Variants in FGGY observed in about 807,000 individuals in gnomAD.
FGGY encodes FGGY carbohydrate kinase domain-containing protein.
A neutral mutation model predicts 71.3 loss-of-function variants in FGGY; 72 were observed. The ratio of observed to expected loss-of-function variants is 1.01; its 90% confidence interval spans 0.84 to 1.23. FGGY has a LOEUF of 1.23. Ranked by LOEUF, FGGY falls within the 50% of genes most tolerant of loss-of-function variation. The pLI is 0.00. For synonymous variants in FGGY, 251 were observed against 250.3 expected (o/e 1.00, Z -0.02); for missense variants, 668 against 682.3 (o/e 0.98, Z 0.23).
At chr1:59,427,207 C>T (rs759938806) in intron 5 of FGGY, among the ~76,000 whole-genome samples, 7 of 152,280 alleles carry the variant, frequency 4.6e-5, no homozygotes, top group African/African-American at 7.2e-5. Context: ...AGGTCCATAG[C>T]AGGCACCCAG....
At chr1:59,340,466 A>C (rs1465804167) in intron 3 of FGGY, among the ~76,000 whole-genome samples, 1 of 152,224 alleles carries the variant, frequency 6.6e-6, no homozygotes, top group Non-Finnish European at 1.5e-5. Flanking sequence ...GGATGAGCCA[A>C]GTCCTTTGAA....
rs544674852 is a variant in FGGY at position 59,422,512 on chromosome 1, T to A, written c.555-34449T>A. On this transcript the variant is annotated intron_variant, in intron 5 of 15. Transcript: ENST00000303721. ...GAGTTTGAGACCAGCCTGGGCAACA[T>A]GGAAAAACCGATCTGTACTAAAAAA... Among the ~76,000 whole-genome samples, 4 of 151,836 alleles carry A rather than the reference T, an allele frequency of 2.6e-5. No homozygotes were observed. The South Asian group carries it at 8.3e-4, about 32-fold the overall frequency.
intron 14 of FGGY, among the ~76,000 whole-genome samples, chr1:59,730,255 A>T (rs573861348): frequency 6.6e-6 from 1 of 150,412 alleles, no homozygotes; most frequent in South Asian, 2.1e-4. Context: ...TTGTCCTGTA[A>T]CCTCAGTTCT....
intron 8 of FGGY, among the ~76,000 whole-genome samples, chr1:59,584,126 C>T (rs2096243357): frequency 6.7e-6 from 1 of 149,590 alleles, no homozygotes; most frequent in Admixed American, 6.6e-5. Context: ...ACTATTCCAG[C>T]CAATAGAAAA....
At chr1:59,350,631 A>G (rs1039880649) in intron 4 of FGGY, among the ~76,000 whole-genome samples, 6 of 152,156 alleles carry the variant, frequency 3.9e-5, no homozygotes, top group Non-Finnish European at 8.8e-5. Context: ...ATTTGGTGAT[A>G]GGGATTGGTT....
intron 15 of FGGY, among the ~76,000 whole-genome samples, chr1:59,761,918 T>G (rs1050424169): frequency 6.6e-6 from 1 of 152,184 alleles, no homozygotes; most frequent in Non-Finnish European, 1.5e-5. Flanking sequence ...AGGAAATACT[T>G]ATTGAAGCTG....
chr1:59,636,238 AC>A (rs1427980007), intron 10 of FGGY, among the ~76,000 whole-genome samples: 1 of 152,154 alleles, frequency 6.6e-6, no homozygotes, highest in Non-Finnish European at 1.5e-5. Context: ...ACATGCATTC[AC>A]ATTTACACAC....
chr1:59,377,650 T>G (rs985683863), intron 4 of FGGY, among the ~76,000 whole-genome samples: 5 of 152,022 alleles, frequency 3.3e-5, no homozygotes, highest in Non-Finnish European at 7.4e-5. Flanking sequence ...TGGTATGGGT[T>G]GTATGACAAC....
intron 6 of FGGY, among the ~76,000 whole-genome samples, chr1:59,458,621 T>C (rs183696116): frequency 2.8e-4 from 42 of 152,376 alleles, no homozygotes; most frequent in African/African-American, 9.9e-4. Flanking sequence ...TAGAAGTCCA[T>C]AATGTTAATC....
chr1:59,692,822 G>T (rs1296807477), intron 14 of FGGY, among the ~76,000 whole-genome samples: 1 of 152,170 alleles, frequency 6.6e-6, no homozygotes, highest in Non-Finnish European at 1.5e-5. Flanking sequence ...ATGCCAAGCT[G>T]ATGCTGTAAA....
intron 5 of FGGY, among the ~76,000 whole-genome samples, chr1:59,397,902 T>C (rs931004232): frequency 6.6e-6 from 1 of 152,236 alleles, no homozygotes; most frequent in Non-Finnish European, 1.5e-5. Context: ...TTGCCAACTC[T>C]TTGACCTTTG....
At chr1:59,429,775 C>T (rs916085517) in intron 5 of FGGY, among the ~76,000 whole-genome samples, 4 of 152,208 alleles carry the variant, frequency 2.6e-5, no homozygotes, top group Admixed American at 1.3e-4. Flanking sequence ...CCAGTATTGG[C>T]TAGGCTGGGC....
intron 9 of FGGY, among the ~76,000 whole-genome samples, chr1:59,618,277 T>A (rs2096776227): frequency 6.6e-6 from 1 of 152,152 alleles, no homozygotes; most frequent in African/African-American, 2.4e-5. Context: ...TTTAGGCCCA[T>A]TAGGATTTGG....
intron 14 of FGGY, among the ~76,000 whole-genome samples, chr1:59,754,427 T>G (rs1432994699): frequency 2.6e-5 from 4 of 152,188 alleles, no homozygotes; most frequent in African/African-American, 9.6e-5. Flanking sequence ...TTGTTTGGTT[T>G]TGTTTTGAGA....
At chr1:59,612,669 G>A (rs1350134567) in intron 9 of FGGY, among the ~76,000 whole-genome samples, 2 of 152,268 alleles carry the variant, frequency 1.3e-5, no homozygotes, top group Non-Finnish European at 2.9e-5. Flanking sequence ...ATGTAAATGG[G>A]CTAAATGCTC....
chr1:59,372,869 C>G (rs1236134931), intron 4 of FGGY, among the ~76,000 whole-genome samples: 2 of 152,046 alleles, frequency 1.3e-5, no homozygotes, highest in Non-Finnish European at 2.9e-5. Context: ...ACCCTTCATG[C>G]TAAAAACTCT....
At chr1:59,555,097 G>T (rs1231907474) in intron 8 of FGGY, among the ~76,000 whole-genome samples, 3 of 152,156 alleles carry the variant, frequency 2.0e-5, no homozygotes, top group African/African-American at 7.2e-5. Context: ...TAGTTCAGTT[G>T]ATATAAATAC....
chr1:59,499,333 G>A (rs1402164770), intron 6 of FGGY, among the ~76,000 whole-genome samples: 1 of 112,748 alleles, frequency 8.9e-6, no homozygotes, highest in African/African-American at 3.5e-5. Context: ...TAACTGAGAG[G>A]ATTACTAAGC....
intron 14 of FGGY, among the ~76,000 whole-genome samples, chr1:59,700,253 A>G (rs1307086912): frequency 6.6e-6 from 1 of 152,222 alleles, no homozygotes; most frequent in African/African-American, 2.4e-5. Context: ...AATGCATATA[A>G]TTCTTATAGA....
Sources: gnomAD v4.1 joint callset for allele counts (sites outside exome capture counted in the v4.1 genomes callset) on GRCh38, gnomAD v4.1.1 for gene constraint, MANE v1.5 for transcripts, NCBI Gene and HGNC (gene_info 2026-07-23, HGNC 2026-07-21) for gene names.